The following APOH variants were observed in gnomAD, a reference collection of about 807,000 sequenced individuals.
APOH encodes the protein apolipoprotein H, also known as beta-2-glycoprotein 1.
APOH carries 48 observed loss-of-function variants against 39.8 expected under a neutral mutation model. The observed-to-expected ratio is 1.21, with a 90% CI of 0.96 to 1.54. The LOEUF is 1.54. Ranked by LOEUF, APOH falls within the 40% of genes most tolerant of loss-of-function variation. APOH has a pLI of 0.00. For missense variants in APOH, 415 were observed against 421.2 expected, an observed-to-expected ratio of 0.99 and a Z score of 0.13; for synonymous variants, 153 against 151.1, an observed-to-expected ratio of 1.01 and a Z score of -0.09.
chr17:66,212,710 G>GGTTCTATATACAGTGAAGACT (rs1164083745), intron 7 of APOH, among the ~76,000 whole-genome samples: 6 of 152,136 alleles, frequency 3.9e-5, no homozygotes. Context: ...TAAAATTAAA[G>GGTTCTATATACAGTGAAGACT]GTTCTATATA....
intron 4 of APOH, 48 bp downstream of exon 4, chr17:66,223,650 C>A: frequency 1.9e-6 from 3 of 1,564,840 alleles, no homozygotes; most frequent in East Asian, 4.5e-5. Flanking sequence ...GTGCTAAAAC[C>A]AGAAAGGTTC....
rs8178949 is a variant in APOH, at chr17:66,212,275, T to C, written c.983-87A>G. 752 of 1,132,492 alleles carry C rather than the reference T, an allele frequency of 6.6e-4. 8 individuals carry two copies. In the African/African-American group the frequency reaches 9.9e-3, roughly 15 times the overall value. 70.2% of individuals were successfully genotyped at this position (1,132,492 alleles called of 1,614,324 possible). ...TAGCTAAGCCAAACCAAATACATTT[T>C]ACGAGTATATAGAATACATGTGATT... On this transcript the variant is annotated intron_variant, in intron 7 of 7. Coordinates refer to ENST00000205948, the MANE Select transcript of APOH (RefSeq NM_000042.3).
intron 4 of APOH, among the ~76,000 whole-genome samples, chr17:66,221,720 T>C (rs1317725722): frequency 1.3e-5 from 2 of 152,144 alleles, no homozygotes; most frequent in Admixed American, 1.3e-4. Context: ...ATTCTTGGTA[T>C]GGATGGAGCT....
chr17:66,212,263 C>T lies in APOH; in HGVS notation c.983-75G>A, dbSNP rs1013941331. 3.1e-6 allele frequency: 4 copies of T among 1,287,244 alleles called. No homozygotes were observed. The African/African-American group carries it at 5.9e-5, about 19-fold the overall frequency. The allele number at this position is 1,287,244 out of a possible 1,614,324, so 79.7% of individuals were successfully genotyped here. ...AAATGTGGTAAATAGCTAAGCCAAA[C>T]CAAATACATTTTACGAGTATATAGA... is the stretch of plus-strand genomic sequence containing the variant. On this transcript the variant is annotated intron_variant, in intron 7 of 7. Transcript: ENST00000205948.
At chr17:66,213,532 T>C (rs374531559) in intron 7 of APOH, among the ~76,000 whole-genome samples, 3 of 152,212 alleles carry the variant, frequency 2.0e-5, no homozygotes, top group East Asian at 3.8e-4. Context: ...AGATATTTTA[T>C]TATTCAATAT....
At chr17:66,216,169 A>G (rs1465502136) in intron 6 of APOH, among the ~76,000 whole-genome samples, 3 of 151,130 alleles carry the variant, frequency 2.0e-5, no homozygotes, top group African/African-American at 7.3e-5. Context: ...TCCATCTCAA[A>G]AAAAAAAAAA....
intron 3 of APOH, among the ~76,000 whole-genome samples, chr17:66,224,332 T>C (rs2073421110): frequency 6.6e-6 from 1 of 151,380 alleles, no homozygotes; most frequent in Non-Finnish European, 1.5e-5. Flanking sequence ...GCCGTGGTAG[T>C]GTGTGCCTAT....
rs10618003 is a variant in APOH at position 66,216,483 on chromosome 17, C to CA, written c.784+304dup. On this transcript the variant is annotated intron_variant, in intron 6 of 7. Coordinates refer to ENST00000205948, the MANE Select transcript of APOH (RefSeq NM_000042.3). ...TGGGCGACAGAGCAAGACTCCATCT[C>CA]AAAAAAAAAAAAAAAGAGTGCTCAG... Among the ~76,000 whole-genome samples the CA allele has an allele frequency of 7.4e-3, 914 of 123,060 alleles. 5 individuals are homozygous for CA. The highest frequency in any genetic ancestry group is 0.015 in the African/African-American group (541 of 36,372). The allele number at this position is 123,060 out of a possible 152,430, so 80.7% of individuals were successfully genotyped here. A position where few individuals can be genotyped will look rare whatever the true frequency, so the allele number is the denominator to read the frequency against.
chr17:66,221,953 G>A (rs1027406379), intron 4 of APOH, among the ~76,000 whole-genome samples: 1 of 152,184 alleles, frequency 6.6e-6, no homozygotes, highest in African/African-American at 2.4e-5. Flanking sequence ...CAGAAGCTCA[G>A]ACCCCACTGC....
At position 66,228,148 on chromosome 17, in the gene APOH, T is replaced by A; in HGVS notation, c.113A>T (p.Lys38Ile). ...DLPFSTVVPL[K>I]TFYEPGEEIT... ...CTCTTCTCCTGGCTCATAGAATGTT[T>A]TTAACGGGACCACTGTGGAAAATGG... The change falls in exon 2 of 8, where the codon AAA (lysine) becomes ATA (isoleucine). Residue 38 changes from lysine (K) to isoleucine (I), a missense_variant. Transcript: ENST00000205948. 6.2e-7 allele frequency: 1 copy of A among 1,614,176 alleles called. No homozygotes were observed. The highest frequency in any genetic ancestry group is 1.1e-5 in the South Asian group (1 of 91,082).
rs779127546 is a variant in APOH at position 66,228,087 on chromosome 17, T to C, written c.174A>G (p.Arg58=). 1 of 1,614,200 alleles carries C rather than the reference T, an allele frequency of 6.2e-7. No individual in the cohort carries two copies. The highest frequency in any genetic ancestry group is 8.5e-7 in the Non-Finnish European group (1 of 1,180,022). ...GGCAGATAAACTTTCTCATCCCTCC[T>C]CGGGACACATAGCCCGGCTTGCAGG... is the stretch of plus-strand genomic sequence containing the variant. ...TYSCKPGYVS[R]GGMRKFICPL... The change falls in exon 2 of 8, where the codon CGA becomes CGG. Residue 58 remains arginine (R), a synonymous_variant. Coordinates refer to ENST00000205948, the MANE Select transcript of APOH (RefSeq NM_000042.3).
chr17:66,212,282 A>G (rs535705632), intron 7 of APOH, 94 bp from the exon 8 acceptor site: 5 of 984,620 alleles, frequency 5.1e-6, no homozygotes, highest in Non-Finnish European at 6.4e-6. Flanking sequence ...TTTTACGAGT[A>G]TATAGAATAC....
chr17:66,214,926 A>G (rs1156842347), intron 6 of APOH, among the ~76,000 whole-genome samples: 68 of 145,948 alleles, frequency 4.7e-4, no homozygotes, highest in Non-Finnish European at 1.8e-4. Flanking sequence ...TTTCAGTGAA[A>G]AAAAAAAAAA....
At position 66,228,000 on chromosome 17, in the gene APOH, G is replaced by A; in HGVS notation, c.241+20C>T. 2 of 1,600,616 alleles carry A rather than the reference G, an allele frequency of 1.2e-6. No individual in the cohort carries two copies. The highest frequency in any genetic ancestry group is 8.5e-7 in the Non-Finnish European group (1 of 1,171,802). On this transcript the variant is annotated intron_variant, in intron 2 of 7. Coordinates refer to ENST00000205948, the MANE Select transcript of APOH (RefSeq NM_000042.3). ...GAATCCAAATGAGGGAAGAGAATGT[G>A]AGAGAAGGTACTGACTTACGTGTAC...
intron 4 of APOH, 57 bp from the exon 5 acceptor site, chr17:66,220,799 T>C: frequency 6.9e-7 from 1 of 1,446,336 alleles, no homozygotes; most frequent in Non-Finnish European, 9.4e-7. Context: ...TTAAATATAC[T>C]CTTTCCAGAA....
At chr17:66,217,596 G>C (rs570735666) in intron 5 of APOH, among the ~76,000 whole-genome samples, 2 of 151,980 alleles carry the variant, frequency 1.3e-5, no homozygotes, top group African/African-American at 4.8e-5. Context: ...GTAATTAAGG[G>C]TACAAACTCC....
At chr17:66,217,034 A>G (rs2073370038) in intron 5 of APOH, 67 bp from the exon 6 acceptor site, 1 of 1,311,496 alleles carries the variant, frequency 7.6e-7, no homozygotes, top group Admixed American at 2.6e-5. Flanking sequence ...TGAAATAGTT[A>G]CATCCTTGTC....
intron 2 of APOH, 114 bp from the exon 3 acceptor site, chr17:66,226,238 T>C: frequency 1.3e-6 from 1 of 741,240 alleles, no homozygotes; most frequent in Non-Finnish European, 2.2e-6. Context: ...TTCATTTTCA[T>C]CCTTTGGTTC....
At chr17:66,216,511 G>A (rs944773668) in intron 6 of APOH, among the ~76,000 whole-genome samples, 3 of 150,970 alleles carry the variant, frequency 2.0e-5, no homozygotes, top group African/African-American at 7.3e-5. Context: ...GTGCTCAGAG[G>A]CAAAGACTTA....
Sources: gnomAD v4.1 joint callset for allele counts (sites outside exome capture counted in the v4.1 genomes callset) on GRCh38, gnomAD v4.1.1 for gene constraint, MANE v1.5 for transcripts, NCBI Gene and HGNC (gene_info 2026-07-23, HGNC 2026-07-21) for gene names.